Variants in MTMR3 observed in about 807,000 individuals in gnomAD.
MTMR3 encodes the protein phosphatidylinositol-3,5-bisphosphate 3-phosphatase MTMR3.
Under a neutral mutation model 132.4 loss-of-function variants are expected in MTMR3, and 32 were observed. That is an observed-to-expected ratio of 0.24 (90% CI 0.18 to 0.32). The LOEUF (loss-of-function observed/expected upper bound fraction) is 0.32, where lower values mean the gene tolerates loss of function less well. Ranked by LOEUF, MTMR3 falls within the 10% of genes least tolerant of loss-of-function variation. The pLI is 1.00. For synonymous variants in MTMR3, 556 were observed against 550.3 expected (o/e 1.01, Z -0.14); for missense variants, 1,216 against 1,489.6 (o/e 0.82, Z 3.02).
intron 9 of MTMR3, chr22:30,003,250 A>C: frequency 2.9e-6 from 1 of 342,754 alleles, no homozygotes; most frequent in Non-Finnish European, 5.4e-6. Context: ...TGCTATTTCA[A>C]TATCCTTCTT....
intron 1 of MTMR3, among the ~76,000 whole-genome samples, chr22:29,913,122 C>T (rs950045147): frequency 6.6e-6 from 1 of 152,058 alleles, no homozygotes; most frequent in Non-Finnish European, 1.5e-5. Flanking sequence ...GTGGTGCTCA[C>T]CTATAGTCCC....
chr22:29,933,985 A>G (rs1329322563), intron 1 of MTMR3, among the ~76,000 whole-genome samples: 1 of 152,126 alleles, frequency 6.6e-6, no homozygotes, highest in Admixed American at 6.5e-5. Flanking sequence ...ACATGTTTTT[A>G]GGGTAGTTGA....
At chr22:29,962,207 T>G (rs1030441888) in intron 2 of MTMR3, among the ~76,000 whole-genome samples, 1 of 152,246 alleles carries the variant, frequency 6.6e-6, no homozygotes, top group African/African-American at 2.4e-5. Context: ...AAAAGCGAAC[T>G]TCTGCTTACC....
intron 1 of MTMR3, among the ~76,000 whole-genome samples, chr22:29,912,364 A>G (rs1001940823): frequency 6.6e-6 from 1 of 152,186 alleles, no homozygotes; most frequent in African/African-American, 2.4e-5. Context: ...ATCATAGCAC[A>G]CTGCTGCCTC....
chr22:29,967,958 GTT>G (rs2066461989), intron 2 of MTMR3, among the ~76,000 whole-genome samples: 1 of 149,176 alleles, frequency 6.7e-6, no homozygotes, highest in Non-Finnish European at 1.5e-5. Flanking sequence ...TTTTTTGTTT[GTT>G]TATCCATTCA....
At chr22:29,951,021 T>G (rs998349560) in intron 1 of MTMR3, among the ~76,000 whole-genome samples, 6 of 151,984 alleles carry the variant, frequency 3.9e-5, no homozygotes, top group African/African-American at 1.4e-4. Context: ...CGTGGTGGCA[T>G]GAGCTTGTAA....
chr22:29,985,666 T>C lies in MTMR3; in HGVS notation c.211-2814T>C, dbSNP rs1162430929. ...TATTAAGCTTTCCTGCATGTGACAGTCTGCATGAATATTAAAATCTGCTGT... is the reference window on the plus strand; with the variant it reads ...TATTAAGCTTTCCTGCATGTGACAGCCTGCATGAATATTAAAATCTGCTGT... On this transcript the variant is annotated intron_variant, in intron 5 of 19. Coordinates refer to ENST00000401950, the MANE Select transcript of MTMR3 (RefSeq NM_021090.4). The C allele has an allele frequency of 2.0e-5, 3 of 152,226 alleles. No individual in the cohort carries two copies. In the East Asian group the frequency reaches 5.8e-4, roughly 29 times the overall value. The allele number at this position is 152,226 out of a possible 1,614,324, so 9.4% of individuals were successfully genotyped here.
intron 1 of MTMR3, among the ~76,000 whole-genome samples, chr22:29,917,236 G>A (rs1320212153): frequency 6.6e-6 from 1 of 152,128 alleles, no homozygotes; most frequent in Non-Finnish European, 1.5e-5. Flanking sequence ...GTTTTTAGTT[G>A]GGTCATTGTT....
intron 7 of MTMR3, 84 bp downstream of exon 7, chr22:29,991,754 A>G (rs1429594249): frequency 1.5e-6 from 2 of 1,361,404 alleles, no homozygotes; most frequent in African/African-American, 1.5e-5. Context: ...TGGGACACCT[A>G]AGCATTCATA....
rs2067936789 is a variant in MTMR3, at chr22:30,027,617, A to G, written c.*1816A>G. 6.5e-6 allele frequency: 1 copy of G among 152,806 alleles called. No homozygotes were observed. Among genetic ancestry groups the G allele is most frequent in the East Asian group, 1.9e-4 (1 of 5,340 alleles). 9.5% of individuals were successfully genotyped at this position (152,806 alleles called of 1,614,324 possible). On this transcript the variant is annotated 3_prime_UTR_variant, in exon 20 of 20. Coordinates refer to ENST00000401950, the MANE Select transcript of MTMR3 (RefSeq NM_021090.4). Reference sequence around the variant, plus strand: ...TACGGGTTTCTTGGGTCTGATGTACAGTGTGAATAAATGCTTGCAGCTCTT... The same window carrying G: ...TACGGGTTTCTTGGGTCTGATGTACGGTGTGAATAAATGCTTGCAGCTCTT...
chr22:30,003,061 C>T (rs140452812), intron 9 of MTMR3, 68 bp downstream of exon 9: 28 of 1,227,466 alleles, frequency 2.3e-5, no homozygotes, highest in South Asian at 6.1e-5. Context: ...TCTGCTGCCT[C>T]TGCTGCTGCT....
At chr22:29,998,647 A>AAT (rs1265068799) in intron 7 of MTMR3, 114 bp from the exon 8 acceptor site, 25 of 519,158 alleles carry the variant, frequency 4.8e-5, no homozygotes, top group Non-Finnish European at 6.9e-5. Flanking sequence ...TGTCTCAAAA[A>AAT]ATATATATAT....
intron 1 of MTMR3, among the ~76,000 whole-genome samples, chr22:29,907,916 G>A (rs943353691): frequency 2.0e-5 from 3 of 152,158 alleles, no homozygotes; most frequent in African/African-American, 7.2e-5. Context: ...TCCAGCAGCT[G>A]ACTCACCAAG....
intron 1 of MTMR3, among the ~76,000 whole-genome samples, chr22:29,885,056 A>G (rs1250263877): frequency 6.6e-6 from 1 of 152,218 alleles, no homozygotes; most frequent in South Asian, 2.1e-4. Flanking sequence ...ATGACCAGCC[A>G]TAAAAAACCC....
At chr22:29,952,663 A>T (rs737904) in intron 1 of MTMR3, among the ~76,000 whole-genome samples, 120,490 of 152,010 alleles carry the variant, frequency 0.79, 48,319 homozygotes, top group East Asian at 0.92. Context: ...GAAAAACACG[A>T]TGAATGAACA....
intron 1 of MTMR3, among the ~76,000 whole-genome samples, chr22:29,910,373 G>A (rs1310714426): frequency 6.6e-6 from 1 of 152,194 alleles, no homozygotes; most frequent in African/African-American, 2.4e-5. Flanking sequence ...GATCAGCAAA[G>A]ATTTGGGGGT....
chr22:29,885,422 G>A (rs910235971), intron 1 of MTMR3, among the ~76,000 whole-genome samples: 1 of 152,138 alleles, frequency 6.6e-6, no homozygotes, highest in Non-Finnish European at 1.5e-5. Context: ...GATTTATGTA[G>A]GGGAAACAGA....
intron 3 of MTMR3, among the ~76,000 whole-genome samples, chr22:29,976,554 G>T (rs2066633303): frequency 1.3e-5 from 2 of 152,124 alleles, no homozygotes; most frequent in Admixed American, 6.6e-5. Flanking sequence ...TTAATAAATA[G>T]AATTTATAAT....
chr22:29,980,403 G>C (rs2066717848), intron 5 of MTMR3: 1 of 152,148 alleles, frequency 6.6e-6, no homozygotes. Context: ...AAGGAAAGAG[G>C]CAATGCTGTT....
Sources: gnomAD v4.1 joint callset for allele counts (sites outside exome capture counted in the v4.1 genomes callset) on GRCh38, gnomAD v4.1.1 for gene constraint, MANE v1.5 for transcripts, NCBI Gene and HGNC (gene_info 2026-07-23, HGNC 2026-07-21) for gene names.